Variants in DRC11 observed in about 807,000 individuals in gnomAD.
DRC11 encodes dynein regulatory complex subunit 11, also known as IQ and AAA domain-containing protein 1.
chr2:236,357,404 C>T, the DRC11 span, among the ~76,000 whole-genome samples: 1 of 115,454 alleles, frequency 8.7e-6, no homozygotes, highest in Non-Finnish European at 1.7e-5. Flanking sequence ...ATAGTATATG[C>T]ATATTTATAT....
the DRC11 span, among the ~76,000 whole-genome samples, chr2:236,461,278 T>C: frequency 6.6e-6 from 1 of 152,132 alleles, no homozygotes; most frequent in Non-Finnish European, 1.5e-5. This position sits in a 1 kb window ranked among gnomAD's most constrained non-coding sequence, Gnocchi z 4.0. Flanking sequence ...ATGGGGAAAG[T>C]TTCGGATAAG....
the DRC11 span, among the ~76,000 whole-genome samples, chr2:236,373,310 G>A: frequency 6.7e-5 from 10 of 148,838 alleles, no homozygotes; most frequent in East Asian, 2.0e-3. Context: ...AGGCTGCAGT[G>A]CATTGGCACA....
chr2:236,311,137 C>T, the DRC11 span, among the ~76,000 whole-genome samples: 11 of 152,312 alleles, frequency 7.2e-5, 1 homozygote, highest in Middle Eastern at 0.014. The surrounding 1 kb of genome is among the most constrained non-coding windows in gnomAD (Gnocchi z 6.9). Context: ...AGGTGTGTGC[C>T]GTGGGGAGGC....
the DRC11 span, among the ~76,000 whole-genome samples, chr2:236,398,093 C>G: frequency 1.3e-5 from 2 of 152,180 alleles, no homozygotes; most frequent in Non-Finnish European, 1.5e-5. The surrounding 1 kb of genome is among the most constrained non-coding windows in gnomAD (Gnocchi z 6.2). Context: ...TTTACCTCCC[C>G]CAGTTGTTGT....
At chr2:236,433,019 T>C in the DRC11 span, among the ~76,000 whole-genome samples, 1 of 152,192 alleles carries the variant, frequency 6.6e-6, no homozygotes, top group Non-Finnish European at 1.5e-5. Flanking sequence ...ATTTATTTCC[T>C]TTTTTCCTTT....
At chr2:236,459,644 C>CGTATATAT in the DRC11 span, among the ~76,000 whole-genome samples, 1 of 137,454 alleles carries the variant, frequency 7.3e-6, no homozygotes, top group Admixed American at 7.1e-5. Flanking sequence ...TACGTATATA[C>CGTATATAT]GTATATATGT....
At chr2:236,435,074 GAAGA>G in the DRC11 span, among the ~76,000 whole-genome samples, 1 of 152,202 alleles carries the variant, frequency 6.6e-6, no homozygotes, top group African/African-American at 2.4e-5. Flanking sequence ...ATGGAGAAGT[GAAGA>G]AAGAGCAATT....
At chr2:236,461,567 A>T in the DRC11 span, among the ~76,000 whole-genome samples, 1 of 152,180 alleles carries the variant, frequency 6.6e-6, no homozygotes, top group African/African-American at 2.4e-5. The surrounding 1 kb of genome is among the most constrained non-coding windows in gnomAD (Gnocchi z 4.0). Context: ...TCATCCTAGT[A>T]CCAGGCACAG....
chr2:236,450,540 G>T, the DRC11 span, among the ~76,000 whole-genome samples: 1 of 151,838 alleles, frequency 6.6e-6, no homozygotes, highest in Non-Finnish European at 1.5e-5. Flanking sequence ...GGATGGTCTA[G>T]ATCTCTTGAC....
chr2:236,471,813 T>C, the DRC11 span, among the ~76,000 whole-genome samples: 1 of 152,184 alleles, frequency 6.6e-6, no homozygotes, highest in Admixed American at 6.5e-5. This position sits in a 1 kb window ranked among gnomAD's most constrained non-coding sequence, Gnocchi z 4.6. Flanking sequence ...TCCAGGGTTC[T>C]TGACCTTAAC....
chr2:236,320,823 CCTCCGCCGGTA>C, the DRC11 span, among the ~76,000 whole-genome samples: 9 of 151,686 alleles, frequency 5.9e-5, no homozygotes, highest in Non-Finnish European at 1.2e-4. Flanking sequence ...TCCGCCGGTC[CCTCCGCCGGTA>C]CCCCCCCGCC....
At chr2:236,352,981 T>G in the DRC11 span, among the ~76,000 whole-genome samples, 2 of 152,262 alleles carry the variant, frequency 1.3e-5, no homozygotes, top group Admixed American at 6.5e-5. This position sits in a 1 kb window ranked among gnomAD's most constrained non-coding sequence, Gnocchi z 7.0. Context: ...AGGGGTTCCA[T>G]CTGTTTACAC....
At chr2:236,422,880 C>A in the DRC11 span, among the ~76,000 whole-genome samples, 1 of 151,756 alleles carries the variant, frequency 6.6e-6, no homozygotes, top group Non-Finnish European at 1.5e-5. Flanking sequence ...CAGAACAGAG[C>A]CCTCAGAAAT....
the DRC11 span, chr2:236,343,816 A>C: frequency 1.8e-6 from 2 of 1,122,038 alleles, no homozygotes; most frequent in Non-Finnish European, 2.4e-6. This position sits in a 1 kb window ranked among gnomAD's most constrained non-coding sequence, Gnocchi z 6.6. Flanking sequence ...ACTTTCTGAA[A>C]TGACAGGGCA....
At chr2:236,383,308 A>G in the DRC11 span, among the ~76,000 whole-genome samples, 1 of 152,092 alleles carries the variant, frequency 6.6e-6, no homozygotes, top group Non-Finnish European at 1.5e-5. Flanking sequence ...CCTCTGTTCT[A>G]TTTCTGAAGG....
the DRC11 span, chr2:236,367,936 C>T: frequency 4.0e-6 from 2 of 500,020 alleles, no homozygotes; most frequent in Admixed American, 3.4e-5. This position sits in a 1 kb window ranked among gnomAD's most constrained non-coding sequence, Gnocchi z 4.8. Flanking sequence ...CTATTATCTC[C>T]CCAGCTCATT....
At chr2:236,436,050 C>T in the DRC11 span, among the ~76,000 whole-genome samples, 1 of 152,274 alleles carries the variant, frequency 6.6e-6, no homozygotes, top group South Asian at 2.1e-4. Flanking sequence ...CTTTTTCCCA[C>T]ATGCACACCA....
chr2:236,358,533 G>A, the DRC11 span, among the ~76,000 whole-genome samples: 1 of 144,906 alleles, frequency 6.9e-6, no homozygotes, highest in South Asian at 2.2e-4. Context: ...TTATAAGGCA[G>A]GGCTGTTGCC....
chr2:236,408,659 C>A, the DRC11 span: 2 of 721,646 alleles, frequency 2.8e-6, no homozygotes, highest in Non-Finnish European at 5.2e-6. The surrounding 1 kb of genome is among the most constrained non-coding windows in gnomAD (Gnocchi z 5.5). Context: ...CATCCATATT[C>A]TGCCATTTCT....
Sources: allele counts gnomAD v4.1 joint callset (sites outside exome capture counted in the v4.1 genomes callset), GRCh38; gene constraint gnomAD v4.1.1; non-coding constraint Gnocchi (gnomAD v3.1); transcripts MANE v1.5; gene names NCBI Gene and HGNC (gene_info 2026-07-23, HGNC 2026-07-21).